The following KIAA1328 variants were observed in gnomAD, a reference collection of about 807,000 sequenced individuals.
KIAA1328 encodes the protein protein hinderin.
KIAA1328 carries 52 observed loss-of-function variants against 68.1 expected under a neutral mutation model. The ratio of observed to expected loss-of-function variants is 0.76; its 90% CI spans 0.61 to 0.96. The LOEUF (loss-of-function observed/expected upper bound fraction) is 0.96. Ranked by LOEUF, KIAA1328 falls within the 40% of genes least tolerant of loss-of-function variation. The pLI is 0.00. For missense variants in KIAA1328, 641 were observed against 677.6 expected, an observed-to-expected ratio of 0.95 and a Z score of 0.60; for synonymous variants, 232 against 239.4, an observed-to-expected ratio of 0.97 and a Z score of 0.28.
intron 7 of KIAA1328, among the ~76,000 whole-genome samples, chr18:37,114,429 A>T (rs2151912294): frequency 6.6e-6 from 1 of 152,344 alleles, no homozygotes; most frequent in Admixed American, 6.5e-5. Context: ...TAATAAAATG[A>T]AGGCAGAAAT....
At chr18:37,092,123 G>C (rs895961343) in intron 7 of KIAA1328, among the ~76,000 whole-genome samples, 1 of 152,122 alleles carries the variant, frequency 6.6e-6, no homozygotes, top group African/African-American at 2.4e-5. Flanking sequence ...TGCACCATTG[G>C]GAGATCTGAG....
intron 5 of KIAA1328, among the ~76,000 whole-genome samples, chr18:36,955,018 G>T (rs1446882544): frequency 6.6e-6 from 1 of 151,870 alleles, no homozygotes; most frequent in East Asian, 1.9e-4. Flanking sequence ...TCCTTTTGCA[G>T]CATTACCATG....
At chr18:36,993,292 A>ACATCTTAC (rs2053263395) in intron 6 of KIAA1328, among the ~76,000 whole-genome samples, 1 of 152,206 alleles carries the variant, frequency 6.6e-6, no homozygotes, top group Non-Finnish European at 1.5e-5. Flanking sequence ...CCATAGTCTG[A>ACATCTTAC]CATCTTACAC....
intron 6 of KIAA1328, among the ~76,000 whole-genome samples, chr18:37,041,311 AT>A (rs763487285): frequency 3.3e-5 from 5 of 152,074 alleles, no homozygotes; most frequent in Non-Finnish European, 5.9e-5. Context: ...CCTTCTTCAT[AT>A]ATAGTAATGT....
intron 7 of KIAA1328, among the ~76,000 whole-genome samples, chr18:37,112,723 G>T (rs2057971192): frequency 6.6e-6 from 1 of 152,138 alleles, no homozygotes; most frequent in South Asian, 2.1e-4. Context: ...GTGAAAGGAG[G>T]ATTTTCGAAC....
chr18:36,904,665 T>G (rs1047317455), intron 5 of KIAA1328, among the ~76,000 whole-genome samples: 1 of 152,124 alleles, frequency 6.6e-6, no homozygotes, highest in African/African-American at 2.4e-5. Flanking sequence ...TTGCTTTTTA[T>G]TCCAATCTGA....
At chr18:37,180,429 C>T (rs1263788939) in intron 9 of KIAA1328, among the ~76,000 whole-genome samples, 6 of 152,056 alleles carry the variant, frequency 3.9e-5, no homozygotes, top group African/African-American at 1.2e-4. Context: ...TTGATTCTGA[C>T]GTGTAAGCAC....
chr18:37,037,284 T>C (rs1047258819), intron 6 of KIAA1328, among the ~76,000 whole-genome samples: 1 of 152,154 alleles, frequency 6.6e-6, no homozygotes, highest in Non-Finnish European at 1.5e-5. Flanking sequence ...AGGTTACATA[T>C]CTTAGTAAGT....
intron 6 of KIAA1328, among the ~76,000 whole-genome samples, chr18:37,041,749 T>C (rs979283090): frequency 2.0e-5 from 3 of 152,108 alleles, no homozygotes; most frequent in African/African-American, 7.2e-5. Context: ...GCTTTAGGGA[T>C]TGCAATATGC....
intron 7 of KIAA1328, among the ~76,000 whole-genome samples, chr18:37,135,164 G>A (rs1450694898): frequency 6.6e-6 from 1 of 152,118 alleles, no homozygotes; most frequent in East Asian, 1.9e-4. Context: ...GTGAGCCTGT[G>A]AGTGCATGAG....
At chr18:37,025,998 G>C (rs1323539862) in intron 6 of KIAA1328, among the ~76,000 whole-genome samples, 1 of 152,072 alleles carries the variant, frequency 6.6e-6, no homozygotes, top group East Asian at 1.9e-4. Context: ...AAGAAGAAAA[G>C]AGAAGAATCC....
In KIAA1328 at chr18:37,222,071, C is replaced by T; in HGVS notation, c.1578C>T (p.Pro526=). The T allele has an allele frequency of 6.2e-7, 1 of 1,613,672 alleles. No homozygotes were observed. Among genetic ancestry groups the T allele is most frequent in the Non-Finnish European group, 8.5e-7 (1 of 1,179,772 alleles). The part of the protein sequence containing the change: ...LVQSLSPNSA[P]KPQRYPSREA... The stretch of plus-strand genomic sequence containing the variant: ...AGTCTCTGAGCCCAAACTCTGCGCC[C>T]AAACCTCAGCGCTATCCCTCCAGAG... The change falls in exon 10 of 10, where the codon CCC becomes CCT. Residue 526 remains proline, a synonymous_variant. Transcript: ENST00000280020.
At chr18:37,075,996 A>G (rs2056718174) in intron 7 of KIAA1328, among the ~76,000 whole-genome samples, 1 of 152,124 alleles carries the variant, frequency 6.6e-6, no homozygotes, top group African/African-American at 2.4e-5. Flanking sequence ...ATAGACATCT[A>G]CAGAACTCTC....
At chr18:37,158,850 T>C (rs2059214439) in intron 7 of KIAA1328, among the ~76,000 whole-genome samples, 1 of 152,050 alleles carries the variant, frequency 6.6e-6, no homozygotes, top group South Asian at 2.1e-4. Context: ...TCACATTCAT[T>C]TTTCTACAGA....
At chr18:37,206,559 A>G (rs2154219880) in intron 9 of KIAA1328, among the ~76,000 whole-genome samples, 1 of 152,276 alleles carries the variant, frequency 6.6e-6, no homozygotes, top group East Asian at 1.9e-4. Context: ...GCATTTTGTA[A>G]TAGAAGCGAG....
chr18:37,047,132 T>C (rs1475211593), intron 6 of KIAA1328, among the ~76,000 whole-genome samples: 2 of 152,190 alleles, frequency 1.3e-5, no homozygotes, highest in Non-Finnish European at 2.9e-5. Flanking sequence ...GTATCTACCA[T>C]CTGCCTAGTC....
intron 8 of KIAA1328, among the ~76,000 whole-genome samples, chr18:37,166,796 A>G (rs776407329): frequency 6.6e-6 from 1 of 152,174 alleles, no homozygotes; most frequent in Non-Finnish European, 1.5e-5. Flanking sequence ...TGAACACACC[A>G]CTGGCACCTG....
chr18:37,094,127 T>C (rs551971376), intron 7 of KIAA1328, among the ~76,000 whole-genome samples: 20 of 152,312 alleles, frequency 1.3e-4, no homozygotes, highest in African/African-American at 4.6e-4. Flanking sequence ...CCTACATCCC[T>C]TGCATGCACA....
chr18:36,897,295 C>G (rs2048896303), intron 5 of KIAA1328, among the ~76,000 whole-genome samples: 1 of 151,998 alleles, frequency 6.6e-6, no homozygotes, highest in Admixed American at 6.6e-5. Context: ...CATCCCCAAG[C>G]AGTTTTTGAA....
Sources: gnomAD v4.1 joint callset for allele counts (sites outside exome capture counted in the v4.1 genomes callset) on GRCh38, gnomAD v4.1.1 for gene constraint, MANE v1.5 for transcripts, NCBI Gene and HGNC (gene_info 2026-07-23, HGNC 2026-07-21) for gene names.